The following ZNF33A variants were observed in gnomAD, a reference collection of about 807,000 sequenced individuals.
The protein encoded by ZNF33A is zinc finger protein 33A, also known as brain my041 protein.
ZNF33A carries 9 observed loss-of-function variants against 15.9 expected under a neutral mutation model. That is an observed-to-expected ratio of 0.57 (90% CI 0.34 to 0.99). The LOEUF is 0.99. Among genes scored for constraint, ZNF33A ranks in the 50% least tolerant of loss-of-function variants. The probability of loss-of-function intolerance (pLI) is 0.02; values close to 1 mark genes in which losing one functional copy is unlikely to be tolerated. For missense variants in ZNF33A, 843 were observed against 941.6 expected (o/e 0.90, Z 1.37); for synonymous variants, 294 against 324.2 (o/e 0.91, Z 1.00).
chr10:38,032,344 T>C (rs1162519369), intron 4 of ZNF33A, among the ~76,000 whole-genome samples: 1 of 152,216 alleles, frequency 6.6e-6, no homozygotes, highest in Non-Finnish European at 1.5e-5. Flanking sequence ...TCTTGAGAAT[T>C]ATATGAGATA....
chr10:38,047,323 T>C (rs140142907), intron 4 of ZNF33A, among the ~76,000 whole-genome samples: 4 of 145,554 alleles, frequency 2.7e-5, no homozygotes, highest in Non-Finnish European at 6.0e-5. Flanking sequence ...AGAAAAAACA[T>C]ATGTGAAAAA....
intron 4 of ZNF33A, among the ~76,000 whole-genome samples, chr10:38,033,164 G>A (rs943861971): frequency 3.3e-5 from 5 of 152,184 alleles, no homozygotes; most frequent in African/African-American, 9.6e-5. Flanking sequence ...ATTTTCTGCT[G>A]TGTGGAGTTG....
chr10:38,010,960 C>T (rs183243793), intron 1 of ZNF33A, among the ~76,000 whole-genome samples, 177 bp downstream of exon 1: 28 of 152,302 alleles, frequency 1.8e-4, no homozygotes, highest in Admixed American at 1.8e-3. Flanking sequence ...CTCAAAGGCG[C>T]GGCCTCTGTA....
At position 38,056,884 on chromosome 10, in the gene ZNF33A, T is replaced by G. The variant is rs2066506334; in HGVS notation, c.*324T>G. 3 of 1,004,138 alleles carry G rather than the reference T, an allele frequency of 3.0e-6. No individual in the cohort carries two copies. Among genetic ancestry groups the G allele is most frequent in the Non-Finnish European group, 3.6e-6 (3 of 833,148 alleles). 62.2% of individuals were successfully genotyped at this position (1,004,138 alleles called of 1,614,324 possible). ...TAGTTTTTAGGGCACCTAACAATAA[T>G]TTATAGATGTATATTGTGGAATGTA... On this transcript the variant is annotated 3_prime_UTR_variant, in exon 5 of 5. Transcript: ENST00000432900.
chr10:38,017,068 T>A (rs991166330), intron 3 of ZNF33A, 53 bp downstream of exon 3: 1 of 1,573,670 alleles, frequency 6.4e-7, no homozygotes, highest in African/African-American at 1.4e-5. Context: ...TTCTTTTGAT[T>A]ATGAAGCGTA....
intron 1 of ZNF33A, among the ~76,000 whole-genome samples, chr10:38,011,046 C>T (rs1166677385): frequency 2.0e-5 from 3 of 152,028 alleles, no homozygotes; most frequent in Admixed American, 1.3e-4. Context: ...GCGCAGTCCG[C>T]GCGCTGAGCC....
In ZNF33A at chr10:38,026,355, AAC is replaced by A. The variant is rs563137212; in HGVS notation, c.250+8971_250+8972del. On this transcript the variant is annotated intron_variant, in intron 4 of 4. Coordinates refer to ENST00000432900, the MANE Select transcript of ZNF33A (RefSeq NM_006954.2). ...AGATAGATAGATAATTTGTTTTTGAAACAGAGTCTTACCCTGTCGCCCAGACT... is the reference window on the plus strand; with the variant it reads ...AGATAGATAGATAATTTGTTTTTGAAAGAGTCTTACCCTGTCGCCCAGACT... 2.8e-3 allele frequency among the ~76,000 whole-genome samples: 431 copies of A among 152,142 alleles called. 1 individual carries two copies. The highest frequency in any genetic ancestry group is 5.4e-3 in the South Asian group (26 of 4,826).
chr10:38,025,041 A>G (rs1424396654), intron 4 of ZNF33A, among the ~76,000 whole-genome samples: 1 of 152,188 alleles, frequency 6.6e-6, no homozygotes, highest in African/African-American at 2.4e-5. Context: ...GATCTTGTTA[A>G]TCTTTCCCTG....
intron 4 of ZNF33A, among the ~76,000 whole-genome samples, chr10:38,040,579 T>A (rs141691066): frequency 1.6e-3 from 240 of 152,296 alleles, no homozygotes; most frequent in Admixed American, 4.0e-3. Context: ...AGTAAAATTT[T>A]TGTATTAAAG....
downstream of ZNF33A, among the ~76,000 whole-genome samples, chr10:38,067,108 A>G (rs1036395841): frequency 3.9e-5 from 6 of 152,166 alleles, no homozygotes; most frequent in Admixed American, 2.0e-4. Flanking sequence ...CCTATTACCT[A>G]TATTCTCTAG....
chr10:38,029,319 T>C (rs1289980404), intron 4 of ZNF33A, among the ~76,000 whole-genome samples: 1 of 152,220 alleles, frequency 6.6e-6, no homozygotes, highest in Non-Finnish European at 1.5e-5. Context: ...TTTTACCAGC[T>C]AGAGAGTTCT....
chr10:38,063,350 G>A (rs756166725), downstream of ZNF33A, among the ~76,000 whole-genome samples: 87 of 152,144 alleles, frequency 5.7e-4, no homozygotes, highest in Admixed American at 5.9e-4. Flanking sequence ...GTGTATTCTC[G>A]GAAGGTACCA....
intron 2 of ZNF33A, among the ~76,000 whole-genome samples, chr10:38,014,325 C>T (rs539700428): frequency 9.5e-4 from 144 of 152,172 alleles, no homozygotes; most frequent in African/African-American, 3.4e-3. Context: ...TGTGAGCCAC[C>T]GTGCCTGGCC....
chr10:38,035,986 GT>G (rs1272372451), intron 4 of ZNF33A, among the ~76,000 whole-genome samples: 1 of 152,120 alleles, frequency 6.6e-6, no homozygotes, highest in Non-Finnish European at 1.5e-5. Context: ...GTAAAAGGCT[GT>G]TTTTTCTCTA....
intron 4 of ZNF33A, among the ~76,000 whole-genome samples, chr10:38,040,564 T>C (rs1482176199): frequency 2.0e-5 from 3 of 152,184 alleles, no homozygotes; most frequent in Non-Finnish European, 4.4e-5. Flanking sequence ...CCCCTCTTTA[T>C]CCTTAGTAAA....
chr10:38,055,635 A>G lies in ZNF33A; in HGVS notation c.1511A>G (p.Lys504Arg). The G allele has an allele frequency of 6.2e-7, 1 of 1,614,106 alleles. No homozygotes were observed. Among genetic ancestry groups the G allele is most frequent in the African/African-American group, 1.3e-5 (1 of 75,028 alleles). The change falls in exon 5 of 5, where the codon AAA becomes AGA. Residue 504 changes from lysine (K) to arginine (R), a missense_variant. Coordinates refer to ENST00000432900, the MANE Select transcript of ZNF33A (RefSeq NM_006954.2). Reference sequence around the variant, plus strand: ...TCTTATGAATGTAATGCATGTGGGAAAACTTTCTACCACAAGTCATTACTC... The same window carrying G: ...TCTTATGAATGTAATGCATGTGGGAGAACTTTCTACCACAAGTCATTACTC... ...DKSYECNACGKTFYHKSLLTR... is the reference protein window; with the variant it reads ...DKSYECNACGRTFYHKSLLTR...
At chr10:38,036,907 C>CT (rs1466984841) in intron 4 of ZNF33A, among the ~76,000 whole-genome samples, 1 of 152,150 alleles carries the variant, frequency 6.6e-6, no homozygotes, top group Non-Finnish European at 1.5e-5. Flanking sequence ...AAATCAGTTC[C>CT]TTTTTTCATT....
intron 4 of ZNF33A, among the ~76,000 whole-genome samples, chr10:38,023,169 C>T (rs2064831589): frequency 6.6e-6 from 1 of 152,190 alleles, no homozygotes; most frequent in African/African-American, 2.4e-5. Flanking sequence ...TGTTCTCCAA[C>T]TCCTGACCTC....
chr10:38,030,071 T>A (rs1386560290), intron 4 of ZNF33A, among the ~76,000 whole-genome samples: 8 of 152,198 alleles, frequency 5.3e-5, no homozygotes, highest in Non-Finnish European at 2.9e-5. Flanking sequence ...TTTATCATGC[T>A]CTTATTTGAC....
Sources: allele counts gnomAD v4.1 joint callset (sites outside exome capture counted in the v4.1 genomes callset), GRCh38; gene constraint gnomAD v4.1.1; transcripts MANE v1.5; gene names NCBI Gene and HGNC (gene_info 2026-07-23, HGNC 2026-07-21).